SPTLC3: variants seen among roughly 807,000 people sequenced by gnomAD.
The protein encoded by SPTLC3 is serine palmitoyltransferase long chain base subunit 3.
A neutral mutation model predicts 59.3 loss-of-function variants in SPTLC3; 36 were observed. The observed-to-expected ratio is 0.61, with a 90% CI of 0.47 to 0.80. The LOEUF (loss-of-function observed/expected upper bound fraction) is 0.80, where lower values mean the gene tolerates loss of function less well. Among genes scored for constraint, SPTLC3 ranks in the 30% least tolerant of loss-of-function variants. The probability of loss-of-function intolerance (pLI) is 0.00; values close to 1 mark genes in which losing one functional copy is unlikely to be tolerated. For missense variants in SPTLC3, 625 were observed against 685.1 expected (o/e 0.91, Z 0.98); for synonymous variants, 257 against 240.8 (o/e 1.07, Z -0.62).
At chr20:13,035,208 C>CTAGG (rs1568572048) in intron 1 of SPTLC3, among the ~76,000 whole-genome samples, 4 of 152,132 alleles carry the variant, frequency 2.6e-5, no homozygotes, top group Non-Finnish European at 5.9e-5. Flanking sequence ...CATGGACACT[C>CTAGG]AATGAGACTT....
Position 13,087,065 on chromosome 20 carries a change from G to C in SPTLC3, c.608-4018G>C, listed in dbSNP as rs546061338. Among the ~76,000 whole-genome samples, 48 of 152,266 alleles carry C rather than the reference G, an allele frequency of 3.2e-4. No homozygotes were observed. The East Asian group carries it at 8.9e-3, about 28-fold the overall frequency. On this transcript the variant is annotated intron_variant, in intron 4 of 11. Transcript: ENST00000399002. ...CCTGCCTCGGCCTCCCAAAGTGCTGGGATTATAGGCATGAGCCACTGTGCC... is the reference window on the plus strand; with the variant it reads ...CCTGCCTCGGCCTCCCAAAGTGCTGCGATTATAGGCATGAGCCACTGTGCC...
chr20:13,120,365 A>G (rs959224374), intron 8 of SPTLC3, among the ~76,000 whole-genome samples: 7 of 152,244 alleles, frequency 4.6e-5, no homozygotes, highest in Non-Finnish European at 8.8e-5. Context: ...AACATAAAAA[A>G]AGTTAAAGTA....
chr20:13,165,687 C>T lies in SPTLC3; in HGVS notation c.*820C>T, dbSNP rs752297822. ...CAGTGCACGGTGAATGCTTACCCTG[C>T]ACAGCCTCTATTACCTTAAGGAATT... On this transcript the variant is annotated 3_prime_UTR_variant, in exon 12 of 12. Coordinates refer to ENST00000399002, the MANE Select transcript of SPTLC3 (RefSeq NM_018327.4). 6.6e-6 allele frequency: 1 copy of T among 152,220 alleles called. No homozygotes were observed. Among genetic ancestry groups the T allele is most frequent in the African/African-American group, 2.4e-5 (1 of 41,454 alleles). The allele number at this position is 152,220 out of a possible 1,614,324, so 9.4% of individuals were successfully genotyped here.
rs554576525 is a variant in SPTLC3 at position 13,035,268 on chromosome 20, A to T, written c.118-13677A>T. On this transcript the variant is annotated intron_variant, in intron 1 of 11. Transcript: ENST00000399002. ...AATAATGACAATAACAAAATATTTC[A>T]AATAGAATTGGTGCTGGAGTTTTGA... Among the ~76,000 whole-genome samples, 10 of 152,302 alleles carry T rather than the reference A, an allele frequency of 6.6e-5. No homozygotes were observed. The East Asian group carries it at 9.6e-4, about 15-fold the overall frequency.
chr20:13,103,654 A>G (rs543015567), intron 6 of SPTLC3, among the ~76,000 whole-genome samples: 8 of 152,336 alleles, frequency 5.3e-5, no homozygotes, highest in Admixed American at 1.3e-4. Flanking sequence ...GAGCATATGG[A>G]AAGTGGAGGC....
intron 5 of SPTLC3, 70 bp downstream of exon 5, chr20:13,091,277 G>C: frequency 6.4e-7 from 1 of 1,566,420 alleles, no homozygotes; most frequent in Non-Finnish European, 8.7e-7. Flanking sequence ...GTAGGTCCTT[G>C]TTAGAAGTAT....
intron 4 of SPTLC3, among the ~76,000 whole-genome samples, chr20:13,086,684 T>G (rs1989015049): frequency 6.6e-6 from 1 of 152,218 alleles, no homozygotes; most frequent in Non-Finnish European, 1.5e-5. Flanking sequence ...ATGTGCCCAC[T>G]GGAAATCCTG....
intron 3 of SPTLC3, 154 bp from the exon 4 acceptor site, chr20:13,074,195 A>G (rs1988554829): frequency 1.0e-6 from 1 of 994,062 alleles, no homozygotes; most frequent in Non-Finnish European, 1.6e-6. Context: ...ACCTCCTGCC[A>G]GCTCTGTTCC....
chr20:13,079,650 T>C, intron 4 of SPTLC3: 1 of 377,072 alleles, frequency 2.7e-6, no homozygotes, highest in Non-Finnish European at 5.5e-6. Flanking sequence ...TGTCAGACTG[T>C]TGTTTCCTTG....
chr20:13,053,259 G>T (rs1468815100), intron 2 of SPTLC3, among the ~76,000 whole-genome samples: 1 of 152,142 alleles, frequency 6.6e-6, no homozygotes, highest in Non-Finnish European at 1.5e-5. Flanking sequence ...ACAGGGTCTG[G>T]AGTGGGCCTC....
intron 2 of SPTLC3, among the ~76,000 whole-genome samples, chr20:13,063,063 T>A (rs1056402244): frequency 2.6e-5 from 4 of 152,250 alleles, no homozygotes; most frequent in Non-Finnish European, 5.9e-5. Flanking sequence ...AATGCATGCT[T>A]CCTTGCCAGC....
intron 4 of SPTLC3, among the ~76,000 whole-genome samples, chr20:13,088,951 C>T (rs972070214): frequency 6.6e-6 from 1 of 152,028 alleles, no homozygotes; most frequent in Admixed American, 6.6e-5. Context: ...TTTTACTATG[C>T]CTTCTAATAA....
chr20:13,087,267 C>A (rs1003862792), intron 4 of SPTLC3, among the ~76,000 whole-genome samples: 3 of 152,148 alleles, frequency 2.0e-5, no homozygotes, highest in Admixed American at 1.3e-4. Context: ...TAGATACGCT[C>A]CTGAGATAGC....
At chr20:13,099,116 C>A (rs760426364) in intron 6 of SPTLC3, among the ~76,000 whole-genome samples, 5 of 152,116 alleles carry the variant, frequency 3.3e-5, no homozygotes, top group Non-Finnish European at 7.4e-5. Context: ...AAACAGCTAA[C>A]CTTAAAGAGA....
At position 13,073,812 on chromosome 20, in the gene SPTLC3, G is replaced by T. The variant is rs1359283452; in HGVS notation, c.459-537G>T. On this transcript the variant is annotated intron_variant, in intron 3 of 11. Coordinates refer to ENST00000399002, the MANE Select transcript of SPTLC3 (RefSeq NM_018327.4). ...TGGTCCTGGAGCTGTGATTAAAGTT[G>T]GCCCCAACTCAGTTTGGGGAAAGTT... 2.7e-5 allele frequency: 16 copies of T among 598,038 alleles called. No homozygotes were observed. The Admixed American group carries it at 3.0e-4, about 11-fold the overall frequency. 37.0% of individuals were successfully genotyped at this position (598,038 alleles called of 1,614,324 possible).
At chr20:13,105,717 C>T (rs771291559) in intron 6 of SPTLC3, among the ~76,000 whole-genome samples, 2 of 152,146 alleles carry the variant, frequency 1.3e-5, no homozygotes, top group Non-Finnish European at 2.9e-5. Flanking sequence ...GCCACATTTA[C>T]CATCTATCAT....
chr20:13,023,456 G>A (rs1299143514), intron 1 of SPTLC3, among the ~76,000 whole-genome samples: 2 of 152,044 alleles, frequency 1.3e-5, no homozygotes, highest in Non-Finnish European at 2.9e-5. Context: ...TATGTAATAG[G>A]AGCTGAAAAA....
chr20:13,117,598 G>C lies in SPTLC3; in HGVS notation c.1025G>C (p.Gly342Ala). 2 of 1,614,070 alleles carry C rather than the reference G, an allele frequency of 1.2e-6. No individual in the cohort carries two copies. The highest frequency in any genetic ancestry group is 1.7e-6 in the Non-Finnish European group (2 of 1,179,950). Residue 342 changes from glycine to alanine, a missense_variant, in exon 8 of 12, where the codon GGG becomes GCG. Gly to Ala is a moderately conservative substitution (Grantham distance 60). Transcript: ENST00000399002. ...YLYIDEAHSI[G>A]AVGPTGRGVT... ...TACATAGATGAAGCTCACAGTATTG[G>C]GGCCGTGGGCCCAACCGGCCGGGGT...
intron 4 of SPTLC3, among the ~76,000 whole-genome samples, chr20:13,080,433 G>A (rs543910456): frequency 9.4e-5 from 14 of 148,574 alleles, no homozygotes; most frequent in East Asian, 8.0e-4. Flanking sequence ...GCTTGAACCC[G>A]GGAGTCAGAG....
Sources: allele counts gnomAD v4.1 joint callset (sites outside exome capture counted in the v4.1 genomes callset), GRCh38; gene constraint gnomAD v4.1.1; transcripts MANE v1.5; gene names NCBI Gene and HGNC (gene_info 2026-07-23, HGNC 2026-07-21).